Variants in SPG11 observed in about 807,000 individuals in gnomAD.
SPG11 encodes SPG11 vesicle trafficking associated, spatacsin.
Under a neutral mutation model 274.0 loss-of-function variants are expected in SPG11, and 222 were observed. That is an observed-to-expected ratio of 0.81 (90% CI 0.73 to 0.91). The LOEUF (loss-of-function observed/expected upper bound fraction) is 0.91. SPG11 is among the 40% of genes least tolerant of loss of function. The pLI, the probability that SPG11 is intolerant of heterozygous loss-of-function variation, is 0.00. For missense variants in SPG11, 3,114 were observed against 2,872.7 expected (o/e 1.08, Z -1.92); for synonymous variants, 1,144 against 1,039.7 (o/e 1.10, Z -1.93).
chr15:44,638,501 C>A (rs886886454), intron 7 of SPG11, among the ~76,000 whole-genome samples: 41 of 45,572 alleles, frequency 9.0e-4, no homozygotes, highest in African/African-American at 1.8e-3. Flanking sequence ...AACCACAAAA[C>A]CCCCCCCCCC....
intron 33 of SPG11, among the ~76,000 whole-genome samples, chr15:44,571,296 G>A (rs892116315): frequency 6.6e-6 from 1 of 151,884 alleles, no homozygotes; most frequent in South Asian, 2.1e-4. Flanking sequence ...CCTTCGTTTG[G>A]ACATTTCGTC....
Position 44,651,881 on chromosome 15 carries a change from C to T in SPG11, c.1066G>A (p.Val356Ile). The T allele has an allele frequency of 6.2e-7, 1 of 1,613,244 alleles. No individual in the cohort carries two copies. Among genetic ancestry groups the T allele is most frequent in the Non-Finnish European group, 8.5e-7 (1 of 1,179,632 alleles). ...TGGAACCATGGAGCACAACAGGAAA[C>T]CTCCAGTTTGGAGTTCTTTATTGTT... ...NETIKNSKLE[V>I]SCCAPWFQDI... The change falls in exon 6 of 40, where the codon GTT (valine) becomes ATT (isoleucine). Residue 356 changes from valine (V) to isoleucine (I), a missense_variant. Physicochemically the swap from Val to Ile is conservative, Grantham distance 29. Transcript: ENST00000261866.
chr15:44,657,014 A>T (rs1338813928), intron 4 of SPG11, 81 bp downstream of exon 4: 3 of 1,296,124 alleles, frequency 2.3e-6, no homozygotes, highest in Admixed American at 4.8e-5. Flanking sequence ...TAGTTAAAAA[A>T]AAAAAACTAA....
At chr15:44,636,188 T>C (rs1595907847) in intron 7 of SPG11, among the ~76,000 whole-genome samples, 1 of 151,998 alleles carries the variant, frequency 6.6e-6, no homozygotes, top group African/African-American at 2.4e-5. Context: ...GGGAGTTATG[T>C]TGGAGGAAGA....
At position 44,610,829 on chromosome 15, in the gene SPG11, G is replaced by T. The variant is rs748046723; in HGVS notation, c.3291+11C>A. On this transcript the variant is annotated intron_variant, in intron 18 of 39. Transcript: ENST00000261866. ...AATCAGTCCTATTTTGTCATAAAGT[G>T]CTATCCATACCTGACTGACACCCCC... 5.0e-6 allele frequency: 8 copies of T among 1,613,106 alleles called. 1 individual carries two copies. The South Asian group carries it at 8.8e-5, about 18-fold the overall frequency.
At chr15:44,626,241 TTA>T in intron 11 of SPG11, 88 bp downstream of exon 11, 1 of 1,132,530 alleles carries the variant, frequency 8.8e-7, no homozygotes, top group Non-Finnish European at 1.2e-6. Context: ...ATTTCTTAGT[TTA>T]TGAAATAATT....
At chr15:44,639,981 C>A (rs1409465771) in intron 7 of SPG11, among the ~76,000 whole-genome samples, 2 of 152,086 alleles carry the variant, frequency 1.3e-5, no homozygotes, top group African/African-American at 2.4e-5. Context: ...GAGGCCGAGG[C>A]AGGCAGATTA....
chr15:44,662,632 C>T (rs1020747518), intron 1 of SPG11, among the ~76,000 whole-genome samples: 1 of 133,860 alleles, frequency 7.5e-6, no homozygotes, highest in Admixed American at 8.4e-5. Context: ...CCAGCCTGGG[C>T]GACAGCGACC....
chr15:44,644,313 T>C (rs1400942105), intron 7 of SPG11, among the ~76,000 whole-genome samples: 10 of 152,148 alleles, frequency 6.6e-5, no homozygotes, highest in Non-Finnish European at 5.9e-5. Context: ...TGATTCATCA[T>C]ATAAACAGAA....
At position 44,615,462 on chromosome 15, in the gene SPG11, T is replaced by C. The variant is rs1595883962; in HGVS notation, c.2939A>G (p.Tyr980Cys). The change falls in exon 16 of 40, where the codon TAC becomes TGC. Residue 980 changes from tyrosine (Y) to cysteine (C), a missense_variant. By Grantham distance (194) the Tyr-to-Cys change is radical (BLOSUM62 -2). Transcript: ENST00000261866. Reference protein sequence around the residue: ...VIQDTLPVQNYKTKEGWDFHS... With the variant: ...VIQDTLPVQNCKTKEGWDFHS... Reference sequence around the variant, plus strand: ...GAAATCCCAACCTTCTTTGGTCTTGTAGTTTTGAACAGGGAGGGTATCCTG... The same window carrying C: ...GAAATCCCAACCTTCTTTGGTCTTGCAGTTTTGAACAGGGAGGGTATCCTG... 1.9e-6 allele frequency: 3 copies of C among 1,613,984 alleles called. No individual in the cohort carries two copies. The highest frequency in any genetic ancestry group is 2.5e-6 in the Non-Finnish European group (3 of 1,180,004).
intron 7 of SPG11, among the ~76,000 whole-genome samples, chr15:44,634,981 C>T (rs1238821134): frequency 1.3e-5 from 2 of 151,124 alleles, no homozygotes; most frequent in East Asian, 4.0e-4. Context: ...CTTGGGAGGT[C>T]GAGGCAGGTG....
At position 44,563,109 on chromosome 15, in the gene SPG11, C is replaced by G. The variant is rs775170269; in HGVS notation, c.*12G>C. ...GCTAACAGTACAAGAAAACAGACAC[C>G]TATGAAATCATCTAACCTGCTAGCA... On this transcript the variant is annotated 3_prime_UTR_variant, in exon 40 of 40. Transcript: ENST00000261866. 6.2e-7 allele frequency: 1 copy of G among 1,613,518 alleles called. No individual in the cohort carries two copies. The highest frequency in any genetic ancestry group is 1.1e-5 in the South Asian group (1 of 91,046).
At chr15:44,662,451 TG>T (rs1015694481) in intron 1 of SPG11, among the ~76,000 whole-genome samples, 2 of 152,006 alleles carry the variant, frequency 1.3e-5, no homozygotes, top group Non-Finnish European at 2.9e-5. Flanking sequence ...CGGGATCACT[TG>T]AGCCCAGGAG....
intron 28 of SPG11, chr15:44,588,595 G>C (rs2082827366): frequency 2.4e-6 from 1 of 409,318 alleles, no homozygotes; most frequent in African/African-American, 2.1e-5. Context: ...CGTTTGCATA[G>C]CTTCAGTGAC....
chr15:44,582,399 G>C (rs907617722), intron 30 of SPG11, among the ~76,000 whole-genome samples: 1 of 151,986 alleles, frequency 6.6e-6, no homozygotes, highest in Non-Finnish European at 1.5e-5. Context: ...AATACAAAAA[G>C]TAGCCAAGCG....
intron 28 of SPG11, among the ~76,000 whole-genome samples, chr15:44,586,144 C>G (rs1479528469): frequency 6.6e-6 from 1 of 151,742 alleles, no homozygotes; most frequent in Non-Finnish European, 1.5e-5. Context: ...ACCACCACAC[C>G]TGGCTAATTT....
chr15:44,576,582 G>A lies in SPG11; in HGVS notation c.5867-1541C>T, dbSNP rs1265875410. On this transcript the variant is annotated intron_variant, in intron 30 of 39. Coordinates refer to ENST00000261866, the MANE Select transcript of SPG11 (RefSeq NM_025137.4). ...GAGAATGGCGTGAACCCGGGAGGTG[G>A]AGCTTGCAGTGAGTGGAGATTGCGC... 2.0e-5 allele frequency among the ~76,000 whole-genome samples: 3 copies of A among 151,510 alleles called. No homozygotes were observed. In the East Asian group the frequency reaches 5.9e-4, roughly 30 times the overall value.
chr15:44,598,158 TA>T, intron 23 of SPG11, 106 bp downstream of exon 23: 1 of 762,004 alleles, frequency 1.3e-6, no homozygotes, highest in Non-Finnish European at 2.4e-6. Context: ...AGATAAGGTC[TA>T]GGGGGATTTA....
intron 20 of SPG11, among the ~76,000 whole-genome samples, chr15:44,601,395 G>A (rs2083184707): frequency 6.6e-6 from 1 of 151,648 alleles, no homozygotes; most frequent in Non-Finnish European, 1.5e-5. Context: ...CAAGTAGCTG[G>A]GACCACAGGT....
Sources: allele counts gnomAD v4.1 joint callset (sites outside exome capture counted in the v4.1 genomes callset), GRCh38; gene constraint gnomAD v4.1.1; transcripts MANE v1.5; gene names NCBI Gene and HGNC (gene_info 2026-07-23, HGNC 2026-07-21).